PPP4R3B: variants seen among roughly 807,000 people sequenced by gnomAD.
PPP4R3B encodes the protein protein phosphatase 4 regulatory subunit 3B, also known as serine/threonine-protein phosphatase 4 regulatory subunit 3B.
PPP4R3B carries 52 observed loss-of-function variants against 95.4 expected under a neutral mutation model. That is an observed-to-expected ratio of 0.54 (90% confidence interval 0.44 to 0.69). The LOEUF (loss-of-function observed/expected upper bound fraction) is 0.69, where lower values mean the gene tolerates loss of function less well. PPP4R3B is among the 30% of genes least tolerant of loss of function. The pLI is 0.00. For missense variants in PPP4R3B, 1,003 were observed against 1,005.9 expected (o/e 1.00, Z 0.04); for synonymous variants, 407 against 343.9 (o/e 1.18, Z -2.03).
chr2:55,572,358 T>C (rs1425820604), intron 12 of PPP4R3B, among the ~76,000 whole-genome samples: 1 of 152,200 alleles, frequency 6.6e-6, no homozygotes, highest in Non-Finnish European at 1.5e-5. Context: ...ACAATGAAGA[T>C]GGACATTTTC....
chr2:55,580,363 A>G (rs1689289512), intron 8 of PPP4R3B, among the ~76,000 whole-genome samples: 1 of 152,174 alleles, frequency 6.6e-6, no homozygotes, highest in African/African-American at 2.4e-5. Context: ...CTCTCTCTGC[A>G]GTGTATTGAG....
chr2:55,574,304 T>C lies in PPP4R3B; in HGVS notation c.1607-527A>G, dbSNP rs541278768. ...TTACCTACTAGATAACTAAGACTTA[T>C]ATTTGCATAAAATATGAAATACAGA... On this transcript the variant is annotated intron_variant, in intron 11 of 16. Coordinates refer to ENST00000616407, the MANE Select transcript of PPP4R3B (RefSeq NM_001122964.3). 1.3e-4 allele frequency among the ~76,000 whole-genome samples: 19 copies of C among 151,812 alleles called. No individual in the cohort carries two copies. In the South Asian group the frequency reaches 3.9e-3, roughly 32 times the overall value.
rs1684997706 is a variant in PPP4R3B at position 55,549,341 on chromosome 2, G to C, written c.*570C>G. ...AAAACTCAACATGTGCTGAATACGG[G>C]GTGTACTTCCCTTCAACTACCTAAA... On this transcript the variant is annotated 3_prime_UTR_variant, in exon 17 of 17. Transcript: ENST00000616407. 1 of 152,504 alleles carries C rather than the reference G, an allele frequency of 6.6e-6. No individual in the cohort carries two copies. Among genetic ancestry groups the C allele is most frequent in the Non-Finnish European group, 1.5e-5 (1 of 68,228 alleles). The allele number at this position is 152,504 out of a possible 1,614,324, so 9.4% of individuals were successfully genotyped here.
rs553884049 is a variant in PPP4R3B at position 55,597,892 on chromosome 2, T to C, written c.921+524A>G. On this transcript the variant is annotated intron_variant, in intron 4 of 16. Transcript: ENST00000616407. ...TTTTAGAAACACAAATACTAAATTG[T>C]ATAAAAAGCTAAAACACAGGCTACT... Among the ~76,000 whole-genome samples, 46 of 152,272 alleles carry C rather than the reference T, an allele frequency of 3.0e-4. 1 individual carries two copies. Among genetic ancestry groups the C allele is most frequent in the African/African-American group, 1.1e-3 (45 of 41,560 alleles).
intron 2 of PPP4R3B, among the ~76,000 whole-genome samples, chr2:55,609,591 G>A (rs763007748): frequency 6.6e-6 from 1 of 150,654 alleles, no homozygotes; most frequent in Admixed American, 6.6e-5. Context: ...GAGCCTGAGC[G>A]CAGGAAGTTA....
At chr2:55,608,763 T>C (rs900938214) in intron 2 of PPP4R3B, among the ~76,000 whole-genome samples, 17 of 152,188 alleles carry the variant, frequency 1.1e-4, no homozygotes, top group Non-Finnish European at 1.8e-4. Flanking sequence ...AGAGGGAGAA[T>C]TGTTAAGCGC....
intron 9 of PPP4R3B, among the ~76,000 whole-genome samples, chr2:55,579,263 A>C (rs1318300609): frequency 6.6e-6 from 1 of 152,126 alleles, no homozygotes; most frequent in African/African-American, 2.4e-5. Context: ...TGGCATATGA[A>C]TGTGCATTTG....
chr2:55,558,978 A>G lies in PPP4R3B; in HGVS notation c.2261-10T>C. On this transcript the variant is annotated splice_polypyrimidine_tract_variant and intron_variant, in intron 15 of 16. Coordinates refer to ENST00000616407, the MANE Select transcript of PPP4R3B (RefSeq NM_001122964.3). Reference sequence around the variant, plus strand: ...TCTTCACTTTCTTTTGCTAAAGCAAAAGTAAAATTTTGAACGTATATCAAT... The same window carrying G: ...TCTTCACTTTCTTTTGCTAAAGCAAGAGTAAAATTTTGAACGTATATCAAT... The G allele has an allele frequency of 6.3e-7, 1 of 1,599,580 alleles. No individual in the cohort carries two copies. The highest frequency in any genetic ancestry group is 8.5e-7 in the Non-Finnish European group (1 of 1,174,416).
intron 11 of PPP4R3B, among the ~76,000 whole-genome samples, chr2:55,576,804 C>T (rs566946061): frequency 6.6e-6 from 1 of 152,140 alleles, no homozygotes; most frequent in Non-Finnish European, 1.5e-5. Flanking sequence ...CTAAATAGTC[C>T]AATCTCTAAA....
At chr2:55,610,401 A>T (rs887011009) in intron 2 of PPP4R3B, among the ~76,000 whole-genome samples, 1 of 152,110 alleles carries the variant, frequency 6.6e-6, no homozygotes, top group East Asian at 1.9e-4. Flanking sequence ...GTGTATTATC[A>T]TATTTGGGAT....
chr2:55,611,792 A>C (rs1179602450), intron 2 of PPP4R3B, among the ~76,000 whole-genome samples: 1 of 152,128 alleles, frequency 6.6e-6, no homozygotes, highest in Non-Finnish European at 1.5e-5. Context: ...GCAGTGGTAC[A>C]ATCATGGCTT....
At chr2:55,588,031 TTCTCA>T (rs1445438079) in intron 5 of PPP4R3B, among the ~76,000 whole-genome samples, 3 of 152,184 alleles carry the variant, frequency 2.0e-5, no homozygotes, top group Non-Finnish European at 2.9e-5. Context: ...ATACTTTCCC[TTCTCA>T]TCTCATTATG....
intron 13 of PPP4R3B, among the ~76,000 whole-genome samples, chr2:55,566,053 G>A (rs968640882): frequency 6.6e-6 from 1 of 151,916 alleles, no homozygotes; most frequent in East Asian, 1.9e-4. Flanking sequence ...CACTGCAAAT[G>A]CATGCATGCC....
chr2:55,576,162 C>T (rs1438957512), intron 11 of PPP4R3B, among the ~76,000 whole-genome samples: 1 of 152,002 alleles, frequency 6.6e-6, no homozygotes, highest in East Asian at 1.9e-4. Flanking sequence ...TTCTGGCCAA[C>T]ATGGTGAAAC....
chr2:55,564,299 C>T lies in PPP4R3B; in HGVS notation c.2260+14G>A, dbSNP rs746394398. 2.5e-6 allele frequency: 4 copies of T among 1,605,024 alleles called. No homozygotes were observed. In the East Asian group the frequency reaches 9.0e-5, roughly 36 times the overall value. On this transcript the variant is annotated intron_variant, in intron 15 of 16. Transcript: ENST00000616407. ...TAAGAGGGTACACTGTGCAAAAATTCCGAATTTTAATACCTTTTTTAGTCT... is the reference window on the plus strand; with the variant it reads ...TAAGAGGGTACACTGTGCAAAAATTTCGAATTTTAATACCTTTTTTAGTCT...
At chr2:55,574,908 G>T (rs1223287093) in intron 11 of PPP4R3B, among the ~76,000 whole-genome samples, 1 of 144,114 alleles carries the variant, frequency 6.9e-6, no homozygotes, top group Non-Finnish European at 1.5e-5. Context: ...TCTTAAACAT[G>T]ATTTAATATA....
chr2:55,601,319 G>A (rs1269867538), intron 3 of PPP4R3B, among the ~76,000 whole-genome samples: 1 of 151,976 alleles, frequency 6.6e-6, no homozygotes, highest in Non-Finnish European at 1.5e-5. Context: ...GCTTTGAAGA[G>A]TGACACTGCT....
At chr2:55,616,821 G>A (rs1695010372) in intron 1 of PPP4R3B, among the ~76,000 whole-genome samples, 1 of 152,020 alleles carries the variant, frequency 6.6e-6, no homozygotes, top group African/African-American at 2.4e-5. Flanking sequence ...GGAGGAAGGT[G>A]TCAGCTCCTA....
At chr2:55,615,248 T>C (rs1316428416) in intron 2 of PPP4R3B, 3 of 526,020 alleles carry the variant, frequency 5.7e-6, no homozygotes, top group Non-Finnish European at 1.0e-5. Context: ...AAACCGACAG[T>C]GGCTCAATCC....
Sources: gnomAD v4.1 joint callset for allele counts (sites outside exome capture counted in the v4.1 genomes callset) on GRCh38, gnomAD v4.1.1 for gene constraint, MANE v1.5 for transcripts, NCBI Gene and HGNC (gene_info 2026-07-23, HGNC 2026-07-21) for gene names.